PAG1: variants seen among roughly 807,000 people sequenced by gnomAD.
The protein encoded by PAG1 is phosphoprotein associated with glycosphingolipid-enriched microdomains 1.
A neutral mutation model predicts 31.7 loss-of-function variants in PAG1; 23 were observed. The ratio of observed to expected loss-of-function variants is 0.73; its 90% CI spans 0.52 to 1.03. PAG1 has a LOEUF of 1.03. Among genes scored for constraint, PAG1 ranks in the 50% least tolerant of loss-of-function variants. The pLI is 0.00. For missense variants in PAG1, 473 were observed against 540.7 expected (o/e 0.87, Z 1.24); for synonymous variants, 214 against 210.3 (o/e 1.02, Z -0.15).
intron 5 of PAG1, among the ~76,000 whole-genome samples, chr8:80,989,235 T>C (rs1807488217): frequency 6.6e-6 from 1 of 152,172 alleles, no homozygotes; most frequent in Non-Finnish European, 1.5e-5. Flanking sequence ...TGGGTCACTG[T>C]GTTAGGTTGC....
In PAG1 at chr8:81,003,634, A is replaced by G. The variant is rs538588627; in HGVS notation, c.-80-10327T>C. On this transcript the variant is annotated intron_variant, in intron 3 of 8. Transcript: ENST00000220597. ...TGCTGTGTGGCCTGAAGCGAGTCCA[A>G]GCCGCCCCATGCCTCAGTTTCCCCT... 2.0e-5 allele frequency among the ~76,000 whole-genome samples: 3 copies of G among 152,262 alleles called. No homozygotes were observed. The South Asian group carries it at 6.2e-4, about 32-fold the overall frequency.
chr8:81,054,166 T>G (rs1288195683), intron 2 of PAG1, among the ~76,000 whole-genome samples: 4 of 152,124 alleles, frequency 2.6e-5, no homozygotes, highest in Non-Finnish European at 5.9e-5. Context: ...TAAGGCAAAT[T>G]TCTATGCTAA....
At chr8:80,980,552 T>C (rs2130371377) in intron 7 of PAG1, 58 bp from the exon 8 acceptor site, 1 of 1,085,234 alleles carries the variant, frequency 9.2e-7, no homozygotes, top group Non-Finnish European at 1.4e-6. Flanking sequence ...CTAACCTTTC[T>C]TTTGCACATG....
At position 81,052,731 on chromosome 8, in the gene PAG1, A is replaced by G. The variant is rs189410567; in HGVS notation, c.-175+17381T>C. Among the ~76,000 whole-genome samples the G allele has an allele frequency of 9.8e-5, 15 of 152,380 alleles. No individual in the cohort carries two copies. In the East Asian group the frequency reaches 2.9e-3, roughly 29 times the overall value. On this transcript the variant is annotated intron_variant, in intron 2 of 8. Transcript: ENST00000220597. ...GGGATTATTTTGTGTGAACAAACCC[A>G]AATCCCTGTGCTACACAAAAGCTAA...
intron 1 of PAG1, among the ~76,000 whole-genome samples, chr8:81,102,655 A>T (rs1809627883): frequency 6.6e-6 from 1 of 152,256 alleles, no homozygotes; most frequent in African/African-American, 2.4e-5. Context: ...ACTGTATATT[A>T]ACAGCTAATA....
intron 8 of PAG1, among the ~76,000 whole-genome samples, chr8:80,979,208 A>G (rs1330784050): frequency 2.6e-5 from 4 of 152,222 alleles, no homozygotes; most frequent in Non-Finnish European, 5.9e-5. Flanking sequence ...GCAATTTAAA[A>G]TTTTACATAG....
intron 5 of PAG1, among the ~76,000 whole-genome samples, chr8:80,989,107 T>A (rs183799923): frequency 3.3e-5 from 5 of 152,210 alleles, no homozygotes; most frequent in African/African-American, 1.2e-4. Context: ...TGACTCTTGA[T>A]TGGAAGCCAG....
intron 3 of PAG1, among the ~76,000 whole-genome samples, chr8:81,013,823 G>C (rs7830728): frequency 2.6e-5 from 4 of 151,904 alleles, no homozygotes; most frequent in Middle Eastern, 3.4e-3. Context: ...CAAGTGATTC[G>C]CCCGCCTCAG....
At chr8:80,988,700 C>A (rs776803185) in intron 5 of PAG1, among the ~76,000 whole-genome samples, 1 of 152,198 alleles carries the variant, frequency 6.6e-6, no homozygotes, top group Non-Finnish European at 1.5e-5. Context: ...GATATGCCCA[C>A]CCCAGCCTCC....
intron 1 of PAG1, among the ~76,000 whole-genome samples, chr8:81,087,151 T>G (rs1331194438): frequency 6.6e-6 from 1 of 152,194 alleles, no homozygotes; most frequent in Non-Finnish European, 1.5e-5. Context: ...GAGACCAGCC[T>G]GACCAACATG....
In PAG1 at chr8:80,990,764, C is replaced by A. The variant is rs1005665626; in HGVS notation, c.177+715G>T. Among the ~76,000 whole-genome samples the A allele has an allele frequency of 6.6e-6, 1 of 152,134 alleles. No homozygotes were observed. The highest frequency in any genetic ancestry group is 2.1e-4 in the South Asian group (1 of 4,822). ...TACCTAGGGTGTTGTGGGTCCCAAG[C>A]TCCCTCCAGCTTAATGACCTGTTGT... On this transcript the variant is annotated intron_variant, in intron 5 of 8. Coordinates refer to ENST00000220597, the MANE Select transcript of PAG1 (RefSeq NM_018440.4). The surrounding 1 kb of genome is among the most constrained non-coding windows in gnomAD (Gnocchi z 5.1).
intron 1 of PAG1, among the ~76,000 whole-genome samples, chr8:81,095,101 G>C (rs1809504369): frequency 6.6e-6 from 1 of 152,178 alleles, no homozygotes; most frequent in Non-Finnish European, 1.5e-5. Flanking sequence ...TGAAGTCTTC[G>C]ATGCCAATCC....
rs1807147775 is a variant in PAG1 at position 80,974,646 on chromosome 8, A to C, written c.*1898T>G. ...GCCATGAATACAGGGATGGAAAAAC[A>C]TTCCAGTGAGCTGGTCTCTACAATT... On this transcript the variant is annotated 3_prime_UTR_variant, in exon 9 of 9. Coordinates refer to ENST00000220597, the MANE Select transcript of PAG1 (RefSeq NM_018440.4). 6.6e-6 allele frequency: 1 copy of C among 152,358 alleles called. No individual in the cohort carries two copies. The highest frequency in any genetic ancestry group is 2.1e-4 in the South Asian group (1 of 4,828). The allele number at this position is 152,358 out of a possible 1,614,324, so 9.4% of individuals were successfully genotyped here. A position where few individuals can be genotyped will look rare whatever the true frequency, so the allele number is the denominator to read the frequency against.
intron 1 of PAG1, among the ~76,000 whole-genome samples, chr8:81,076,117 G>A (rs1809172961): frequency 6.6e-6 from 1 of 152,212 alleles, no homozygotes; most frequent in African/African-American, 2.4e-5. Flanking sequence ...AACAGAACCT[G>A]TTCTGCTTTC....
rs79147105 is a variant in PAG1, at chr8:80,997,216, C to T, written c.-80-3909G>A. Among the ~76,000 whole-genome samples, 1,463 of 152,250 alleles carry T rather than the reference C, an allele frequency of 9.6e-3. 28 individuals carry two copies. Among genetic ancestry groups the T allele is most frequent in the African/African-American group, 0.033 (1,379 of 41,522 alleles). On this transcript the variant is annotated intron_variant, in intron 3 of 8. Coordinates refer to ENST00000220597, the MANE Select transcript of PAG1 (RefSeq NM_018440.4). ...ATGAAGACATTTAAGTCTATTTCTCCGAATCCTGTTCTTACTTGACTCAAT... is the reference window on the plus strand; with the variant it reads ...ATGAAGACATTTAAGTCTATTTCTCTGAATCCTGTTCTTACTTGACTCAAT...
intron 2 of PAG1, among the ~76,000 whole-genome samples, chr8:81,058,259 A>G (rs78829787): frequency 0.014 from 2,092 of 152,338 alleles, 58 homozygotes; most frequent in African/African-American, 0.047. Flanking sequence ...CAACAGCAGC[A>G]CAAAGAAAAG....
At chr8:80,995,323 T>C (rs137863420) in intron 3 of PAG1, among the ~76,000 whole-genome samples, 2 of 152,348 alleles carry the variant, frequency 1.3e-5, no homozygotes, top group Admixed American at 6.5e-5. Context: ...CTATGTTTGA[T>C]TGTATGTATA....
chr8:81,091,052 A>G (rs1303014468), intron 1 of PAG1, among the ~76,000 whole-genome samples: 6 of 152,232 alleles, frequency 3.9e-5, no homozygotes. Flanking sequence ...ATAAGGGTCT[A>G]AACTAAGAGA....
At chr8:81,043,239 G>A (rs1372279832) in intron 2 of PAG1, among the ~76,000 whole-genome samples, 1 of 152,006 alleles carries the variant, frequency 6.6e-6, no homozygotes, top group African/African-American at 2.4e-5. Flanking sequence ...TTTAGTAAAT[G>A]TCCAGTTTTG....
Sources: gnomAD v4.1 joint callset for allele counts (sites outside exome capture counted in the v4.1 genomes callset) on GRCh38, gnomAD v4.1.1 for gene constraint, Gnocchi (gnomAD v3.1) non-coding constraint, MANE v1.5 for transcripts, NCBI Gene and HGNC (gene_info 2026-07-23, HGNC 2026-07-21) for gene names.